LDLRAD4: variants seen among roughly 807,000 people sequenced by gnomAD.
LDLRAD4 encodes low-density lipoprotein receptor class A domain-containing protein 4.
In LDLRAD4, 5 loss-of-function variants were observed where a neutral mutation model predicts 17.0. That is an observed-to-expected ratio of 0.29 (90% CI 0.15 to 0.62). LDLRAD4 has a LOEUF of 0.62. Ranked by LOEUF, LDLRAD4 falls within the 20% of genes least tolerant of loss-of-function variation. LDLRAD4 has a pLI of 0.84. For missense variants in LDLRAD4, 340 were observed against 424.7 expected (o/e 0.80, Z 1.75); for synonymous variants, 168 against 171.8 (o/e 0.98, Z 0.17).
chr18:13,451,383 G>A (rs2091827132), intron 3 of LDLRAD4, among the ~76,000 whole-genome samples: 1 of 152,038 alleles, frequency 6.6e-6, no homozygotes, highest in Non-Finnish European at 1.5e-5. Flanking sequence ...CAGGTGTACG[G>A]CACCTCCCCC....
intron 1 of LDLRAD4, among the ~76,000 whole-genome samples, chr18:13,257,324 G>A (rs367580822): frequency 2.4e-4 from 36 of 152,250 alleles, no homozygotes; most frequent in East Asian, 1.7e-3. Context: ...GTCAAGGCCT[G>A]AGTGTGAGAT....
chr18:13,243,518 C>A (rs1212126722), intron 1 of LDLRAD4, among the ~76,000 whole-genome samples: 1 of 151,512 alleles, frequency 6.6e-6, no homozygotes, highest in African/African-American at 2.4e-5. Context: ...ATTCACCCAC[C>A]CATCCATCAT....
intron 3 of LDLRAD4, chr18:13,464,886 T>G (rs1324176352): frequency 2.0e-5 from 3 of 148,466 alleles, no homozygotes; most frequent in South Asian, 4.3e-4. Flanking sequence ...CATATTCATG[T>G]GCATCTGCCC....
intron 1 of LDLRAD4, among the ~76,000 whole-genome samples, chr18:13,220,277 A>G (rs1039311973): frequency 1.9e-4 from 29 of 152,282 alleles, no homozygotes; most frequent in African/African-American, 6.5e-4. Context: ...AATTGTAGCT[A>G]CCTTCCTCCC....
At chr18:13,382,616 CGTGT>C (rs951657761) in intron 1 of LDLRAD4, 2 of 151,256 alleles carry the variant, frequency 1.3e-5, no homozygotes, top group African/African-American at 2.4e-5. Flanking sequence ...TGTGTGTGTG[CGTGT>C]GTGTGTGCGT....
chr18:13,533,584 C>T (rs948480336), intron 3 of LDLRAD4, among the ~76,000 whole-genome samples: 3 of 152,160 alleles, frequency 2.0e-5, no homozygotes, highest in East Asian at 1.9e-4. Context: ...TACTTACAAA[C>T]GGTACTCCAG....
chr18:13,637,482 C>T (rs549046535), intron 4 of LDLRAD4, among the ~76,000 whole-genome samples: 66 of 152,058 alleles, frequency 4.3e-4, no homozygotes, highest in Non-Finnish European at 7.6e-4. Flanking sequence ...CTCAGCCTTT[C>T]CATTCAAAAC....
At chr18:13,418,282 C>T (rs1365491828) in intron 2 of LDLRAD4, among the ~76,000 whole-genome samples, 5 of 152,372 alleles carry the variant, frequency 3.3e-5, no homozygotes. Flanking sequence ...TTCTGGTCAC[C>T]TGCCTTCAGG....
intron 1 of LDLRAD4, among the ~76,000 whole-genome samples, chr18:13,374,364 T>C (rs1350887336): frequency 1.3e-5 from 2 of 152,236 alleles, no homozygotes; most frequent in Admixed American, 1.3e-4. Context: ...TGGCTGTCTG[T>C]CCATTGTTGG....
chr18:13,299,555 AT>A (rs1340232507), intron 1 of LDLRAD4, among the ~76,000 whole-genome samples: 3 of 152,274 alleles, frequency 2.0e-5, no homozygotes, highest in African/African-American at 7.2e-5. Context: ...TTAAAAGTGA[AT>A]TTCAGGACTG....
intron 3 of LDLRAD4, among the ~76,000 whole-genome samples, chr18:13,524,705 A>G (rs2094003400): frequency 6.6e-6 from 1 of 152,226 alleles, no homozygotes; most frequent in Non-Finnish European, 1.5e-5. Context: ...CGAGACAACC[A>G]GATCATATGG....
chr18:13,301,014 G>A (rs1469649037), intron 1 of LDLRAD4, among the ~76,000 whole-genome samples: 3 of 152,228 alleles, frequency 2.0e-5, no homozygotes, highest in African/African-American at 7.2e-5. Context: ...CTCAGCGGCC[G>A]CTGGAGTGGG....
At chr18:13,462,513 G>A (rs1307668570) in intron 3 of LDLRAD4, among the ~76,000 whole-genome samples, 1 of 152,156 alleles carries the variant, frequency 6.6e-6, no homozygotes, top group African/African-American at 2.4e-5. Context: ...CTTCTACATA[G>A]GGCTGTGAGA....
intron 3 of LDLRAD4, chr18:13,612,438 A>C: frequency 7.9e-7 from 1 of 1,267,720 alleles, no homozygotes; most frequent in Non-Finnish European, 1.0e-6. Flanking sequence ...GGCAGTTGAT[A>C]ATTGGTAGCC....
intron 1 of LDLRAD4, among the ~76,000 whole-genome samples, chr18:13,311,468 G>A (rs750808625): frequency 1.3e-5 from 2 of 152,226 alleles, no homozygotes; most frequent in Admixed American, 6.5e-5. Flanking sequence ...CTTTCCAGCC[G>A]TGGGTGACAC....
At chr18:13,316,594 C>T (rs2080947036) in intron 1 of LDLRAD4, among the ~76,000 whole-genome samples, 1 of 152,204 alleles carries the variant, frequency 6.6e-6, no homozygotes, top group African/African-American at 2.4e-5. Flanking sequence ...CAAGTCACAG[C>T]AGTGCCTTGT....
At chr18:13,417,742 GTTTT>G (rs2089051021) in intron 2 of LDLRAD4, among the ~76,000 whole-genome samples, 1 of 152,138 alleles carries the variant, frequency 6.6e-6, no homozygotes, top group Non-Finnish European at 1.5e-5. Flanking sequence ...CCAGTTTGCT[GTTTT>G]TCAAACTACA....
In LDLRAD4 at chr18:13,445,623, G is replaced by T. The variant is rs578025783; in HGVS notation, c.181+7239G>T. 1.4e-4 allele frequency among the ~76,000 whole-genome samples: 20 copies of T among 144,088 alleles called. No individual in the cohort carries two copies. The East Asian group carries it at 6.6e-3, about 48-fold the overall frequency. 94.5% of individuals were successfully genotyped at this position (144,088 alleles called of 152,430 possible). A position where few individuals can be genotyped will look rare whatever the true frequency, so the allele number is the denominator to read the frequency against. ...TACATGTATTCATGAGTGTGTGTGC[G>T]TGTGTGTGTGAGAGAGTCTGATGCA... On this transcript the variant is annotated intron_variant, in intron 3 of 5. Transcript: ENST00000359446.
chr18:13,274,593 T>C (rs149998419), upstream of LDLRAD4, among the ~76,000 whole-genome samples: 1 of 152,312 alleles, frequency 6.6e-6, no homozygotes, highest in East Asian at 1.9e-4. Flanking sequence ...TGCTGAGTGA[T>C]TGATGAAGAA....
Sources: allele counts gnomAD v4.1 joint callset (sites outside exome capture counted in the v4.1 genomes callset), GRCh38; gene constraint gnomAD v4.1.1; transcripts MANE v1.5; gene names NCBI Gene and HGNC (gene_info 2026-07-23, HGNC 2026-07-21).